ABLIM3: variants seen among roughly 807,000 people sequenced by gnomAD.
ABLIM3 encodes the protein actin binding LIM protein family member 3, also known as actin-binding LIM protein 3.
ABLIM3 carries 61 observed loss-of-function variants against 109.5 expected under a neutral mutation model. That is an observed-to-expected ratio of 0.56 (90% CI 0.45 to 0.69). The LOEUF (loss-of-function observed/expected upper bound fraction) is 0.69, where lower values mean the gene tolerates loss of function less well. Ranked by LOEUF, ABLIM3 falls within the 30% of genes least tolerant of loss-of-function variation. The pLI is 0.00. For synonymous variants in ABLIM3, 300 were observed against 324.8 expected (o/e 0.92, Z 0.82); for missense variants, 796 against 889.5 (o/e 0.89, Z 1.34).
chr5:149,153,944 ACT>A (rs1561534721), intron 2 of ABLIM3, among the ~76,000 whole-genome samples: 1 of 152,032 alleles, frequency 6.6e-6, no homozygotes, highest in African/African-American at 2.4e-5. Flanking sequence ...GCAGAATGCT[ACT>A]CTCTAGTGCC....
At chr5:149,190,566 G>A (rs954063911) in intron 3 of ABLIM3, among the ~76,000 whole-genome samples, 1 of 152,112 alleles carries the variant, frequency 6.6e-6, no homozygotes, top group Admixed American at 6.5e-5. Flanking sequence ...TGTAGTCCCA[G>A]CTACTTGGGA....
intron 7 of ABLIM3, among the ~76,000 whole-genome samples, chr5:149,211,685 G>A (rs1759571209): frequency 6.6e-6 from 1 of 151,910 alleles, no homozygotes. Flanking sequence ...GTTACCATGA[G>A]TGCTTTGTTG....
At chr5:149,162,819 G>T (rs1190117831) in intron 2 of ABLIM3, among the ~76,000 whole-genome samples, 2 of 152,320 alleles carry the variant, frequency 1.3e-5, no homozygotes, top group East Asian at 3.9e-4. Context: ...CCAGGGCAGT[G>T]GGGCATGAGC....
In ABLIM3 at chr5:149,148,705, C is replaced by G. The variant is rs577905976; in HGVS notation, c.13+6597C>G. On this transcript the variant is annotated intron_variant, in intron 2 of 23. Transcript: ENST00000309868. Reference sequence around the variant, plus strand: ...GCAAGCCTGTAAGGCCCGATGTGGCCTGCTCCTGGCCTTGCTGACCAGCCC... The same window carrying G: ...GCAAGCCTGTAAGGCCCGATGTGGCGTGCTCCTGGCCTTGCTGACCAGCCC... 6.5e-4 allele frequency among the ~76,000 whole-genome samples: 99 copies of G among 152,338 alleles called. 2 individuals carry two copies. The highest frequency in any genetic ancestry group is 3.4e-3 in the Middle Eastern group (1 of 294).
Position 149,250,462 on chromosome 5 carries a change from A to G in ABLIM3, c.1745A>G (p.Lys582Arg). 6.2e-7 allele frequency: 1 copy of G among 1,614,142 alleles called. No individual in the cohort carries two copies. Among genetic ancestry groups the G allele is most frequent in the Non-Finnish European group, 8.5e-7 (1 of 1,180,002 alleles). Residue 582 changes from lysine to arginine, a missense_variant, in exon 20 of 24, where the codon AAA (lysine) becomes AGA (arginine). By Grantham distance (26) the Lys-to-Arg change is conservative. Transcript: ENST00000309868. ...YLADSDPLIS[K>R]SASLPAYRRN... is the part of the protein sequence containing the mutation. ...TTCTTTTCAGATCCTCTCATCTCCA[A>G]ATCTGCCTCCCTGCCTGCCTACCGA...
chr5:149,259,062 G>A lies in ABLIM3; in HGVS notation c.*658G>A. The A allele has an allele frequency of 9.9e-7, 1 of 1,007,700 alleles. No individual in the cohort carries two copies. The highest frequency in any genetic ancestry group is 1.2e-6 in the Non-Finnish European group (1 of 843,412). The allele number at this position is 1,007,700 out of a possible 1,614,324, so 62.4% of individuals were successfully genotyped here. On this transcript the variant is annotated 3_prime_UTR_variant, in exon 24 of 24. Transcript: ENST00000309868. ...GTAACCTCTCCCTTGTCCAAATCTA[G>A]GATTCCTGGTAGGAAAAGGAAAAGG...
At chr5:149,223,213 A>G (rs573839173) in intron 8 of ABLIM3, among the ~76,000 whole-genome samples, 15 of 152,254 alleles carry the variant, frequency 9.9e-5, no homozygotes, top group African/African-American at 3.6e-4. Flanking sequence ...TTGTATTTCT[A>G]AAGTTTGTTT....
At chr5:149,257,015 G>A (rs747871289) in intron 23 of ABLIM3, among the ~76,000 whole-genome samples, 7 of 152,236 alleles carry the variant, frequency 4.6e-5, no homozygotes, top group Non-Finnish European at 1.0e-4. Context: ...GAAAATGTTA[G>A]TTCACATGGC....
At chr5:149,200,749 T>G in intron 5 of ABLIM3, 1 of 313,888 alleles carries the variant, frequency 3.2e-6, no homozygotes, top group East Asian at 5.7e-5. Context: ...TCAAGTGTTT[T>G]TTCACCAGTG....
intron 3 of ABLIM3, among the ~76,000 whole-genome samples, chr5:149,189,655 A>G (rs901872577): frequency 7.9e-5 from 12 of 152,236 alleles, no homozygotes; most frequent in African/African-American, 2.9e-4. Context: ...CCACAATGAG[A>G]TGCCACTTCA....
chr5:149,188,942 C>T (rs901676536), intron 3 of ABLIM3, among the ~76,000 whole-genome samples: 4 of 152,182 alleles, frequency 2.6e-5, no homozygotes, highest in Non-Finnish European at 4.4e-5. Context: ...AGTTGGAGAA[C>T]TCACACTTCC....
At chr5:149,242,148 G>A (rs115102409) in intron 14 of ABLIM3, among the ~76,000 whole-genome samples, 2,306 of 152,236 alleles carry the variant, frequency 0.015, 66 homozygotes, top group African/African-American at 0.053. Flanking sequence ...ATGAGGTGTG[G>A]CCACTGGTGG....
intron 2 of ABLIM3, among the ~76,000 whole-genome samples, chr5:149,171,172 A>C (rs1047295196): frequency 6.6e-6 from 1 of 152,198 alleles, no homozygotes; most frequent in African/African-American, 2.4e-5. Context: ...TACTGGACTT[A>C]GCATTAGAGA....
intron 2 of ABLIM3, among the ~76,000 whole-genome samples, chr5:149,172,357 T>C (rs1279965948): frequency 6.6e-6 from 1 of 152,244 alleles, no homozygotes; most frequent in African/African-American, 2.4e-5. Context: ...TGAGTCATTA[T>C]GCAAAATTAA....
intron 2 of ABLIM3, among the ~76,000 whole-genome samples, chr5:149,143,645 A>G (rs1245882779): frequency 1.3e-5 from 2 of 151,738 alleles, no homozygotes; most frequent in African/African-American, 2.4e-5. Flanking sequence ...TGTGTATTGC[A>G]TATCTATGCT....
chr5:149,166,358 A>T lies in ABLIM3; in HGVS notation c.14-17094A>T, dbSNP rs1358089316. Among the ~76,000 whole-genome samples, 4 of 152,302 alleles carry T rather than the reference A, an allele frequency of 2.6e-5. No individual in the cohort carries two copies. In the South Asian group the frequency reaches 8.3e-4, roughly 32 times the overall value. On this transcript the variant is annotated intron_variant, in intron 2 of 23. Coordinates refer to ENST00000309868, the MANE Select transcript of ABLIM3 (RefSeq NM_014945.5). Reference sequence around the variant, plus strand: ...GATTCCCATCTGTCTTGGCATAGTGATCATGCAGCCTCTGCCAGCTTCCCA... The same window carrying T: ...GATTCCCATCTGTCTTGGCATAGTGTTCATGCAGCCTCTGCCAGCTTCCCA...
intron 2 of ABLIM3, among the ~76,000 whole-genome samples, chr5:149,146,729 A>T (rs1752965349): frequency 6.6e-6 from 1 of 152,190 alleles, no homozygotes; most frequent in Admixed American, 6.5e-5. Context: ...CTTATAATAT[A>T]GTTTGAAGTC....
At position 149,250,474 on chromosome 5, in the gene ABLIM3, T is replaced by A. The variant is rs909796161; in HGVS notation, c.1757T>A (p.Leu586Gln). ...CCTCTCATCTCCAAATCTGCCTCCC[T>A]GCCTGCCTACCGAAGAAATGGGCTG... The part of the protein sequence containing the change: ...SDPLISKSAS[L>Q]PAYRRNGLHR... The change falls in exon 20 of 24, where the codon CTG (leucine) becomes CAG (glutamine). Residue 586 changes from leucine (L) to glutamine (Q), a missense_variant. Transcript: ENST00000309868. The A allele has an allele frequency of 6.2e-7, 1 of 1,614,198 alleles. No homozygotes were observed. The highest frequency in any genetic ancestry group is 8.5e-7 in the Non-Finnish European group (1 of 1,180,006).
intron 5 of ABLIM3, among the ~76,000 whole-genome samples, chr5:149,202,453 T>C (rs1758582738): frequency 6.6e-6 from 1 of 152,192 alleles, no homozygotes; most frequent in Admixed American, 6.5e-5. Flanking sequence ...ATAGAGGTAT[T>C]TTCTCCAAAG....
Sources: allele counts gnomAD v4.1 joint callset (sites outside exome capture counted in the v4.1 genomes callset), GRCh38; gene constraint gnomAD v4.1.1; transcripts MANE v1.5; gene names NCBI Gene and HGNC (gene_info 2026-07-23, HGNC 2026-07-21).